The following RAB33A variants were observed in gnomAD, a reference collection of about 807,000 sequenced individuals.
RAB33A encodes RAB33A, member RAS oncogene family, also known as ras-related protein Rab-33A.
A neutral mutation model predicts 12.0 loss-of-function variants in RAB33A; 6 were observed. The observed-to-expected ratio is 0.50, with a 90% CI of 0.27 to 0.99. The LOEUF (loss-of-function observed/expected upper bound fraction) is 0.99. Ranked by LOEUF, RAB33A falls within the 50% of genes least tolerant of loss-of-function variation. RAB33A has a pLI of 0.11. For missense variants in RAB33A, 109 were observed against 192.0 expected (o/e 0.57, Z 2.55); for synonymous variants, 70 against 82.4 (o/e 0.85, Z 0.81).
At chrX:130,176,240 C>G (rs1305096601) in intron 1 of RAB33A, among the ~76,000 whole-genome samples, 1 of 112,089 alleles carries the variant, frequency 8.9e-6, no homozygotes, top group East Asian at 2.8e-4. Flanking sequence ...GAGTCTGTCT[C>G]CTAAATGCAT....
chrX:130,183,430 C>T (rs1295016712), intron 1 of RAB33A, among the ~76,000 whole-genome samples: 1 of 108,738 alleles, frequency 9.2e-6, no homozygotes, highest in Non-Finnish European at 1.9e-5. Context: ...TGGCGGGCAC[C>T]TGTGGTCCCA....
the RAB33A span, among the ~76,000 whole-genome samples, chrX:130,140,899 T>C: frequency 1.8e-5 from 2 of 112,185 alleles, no homozygotes; most frequent in Non-Finnish European, 3.8e-5. Flanking sequence ...GGCAGATCAC[T>C]GAGGCCACGA....
the RAB33A span, chrX:130,155,221 C>A: frequency 1.7e-6 from 2 of 1,211,011 alleles, no homozygotes; most frequent in Non-Finnish European, 2.2e-6. Flanking sequence ...TTGCTGCCAT[C>A]TTTCCCAGAA....
At chrX:130,135,082 CT>C in the RAB33A span, among the ~76,000 whole-genome samples, 1,068 of 100,563 alleles carry the variant, frequency 0.011, 14 homozygotes, top group African/African-American at 0.033. Flanking sequence ...CCACATATTA[CT>C]TTTTTTTTTT....
chrX:130,125,208 C>A, the RAB33A span, among the ~76,000 whole-genome samples: 1 of 111,589 alleles, frequency 9.0e-6, no homozygotes, highest in Non-Finnish European at 1.9e-5. Context: ...TCCAGAGACG[C>A]CAGAGGCTGC....
chrX:130,150,326 C>CTTTT, the RAB33A span, among the ~76,000 whole-genome samples: 9 of 61,648 alleles, frequency 1.5e-4, no homozygotes, highest in African/African-American at 2.6e-4. Context: ...TTATTGGAGA[C>CTTTT]TTTTTTTTTT....
At chrX:130,138,470 AAAAT>A in the RAB33A span, 6 of 568,937 alleles carry the variant, frequency 1.1e-5, no homozygotes, top group Admixed American at 5.4e-5. Context: ...ATCTCAAAAA[AAAAT>A]AAATAAATAA....
chrX:130,179,272 G>A (rs1251444112), intron 1 of RAB33A, among the ~76,000 whole-genome samples: 3 of 111,847 alleles, frequency 2.7e-5, no homozygotes, highest in African/African-American at 3.3e-5. Flanking sequence ...CAATTTGGGC[G>A]GCATACGCAA....
At chrX:130,137,689 C>A in the RAB33A span, 1 of 1,077,386 alleles carries the variant, frequency 9.3e-7, no homozygotes, top group Admixed American at 4.0e-5. Context: ...TTGCCCTTAT[C>A]ATCTTCATAA....
At chrX:130,129,693 A>G in the RAB33A span, 1 of 1,030,748 alleles carries the variant, frequency 9.7e-7, no homozygotes, top group African/African-American at 1.8e-5. Context: ...ATGCCCACAC[A>G]ATGGGGCTAC....
At chrX:130,127,369 G>T in the RAB33A span, among the ~76,000 whole-genome samples, 1 of 111,043 alleles carries the variant, frequency 9.0e-6, no homozygotes, top group Non-Finnish European at 1.9e-5. Context: ...ACACCAGGAG[G>T]TCCTTAAAAG....
Position 130,172,059 on chromosome X carries a change from G to A in RAB33A, c.-4G>A. The A allele has an allele frequency of 8.3e-7, 1 of 1,205,606 alleles. No individual in the cohort carries two copies. Among genetic ancestry groups the A allele is most frequent in the Non-Finnish European group, 1.1e-6 (1 of 892,711 alleles). On this transcript the variant is annotated 5_prime_UTR_variant, in exon 1 of 2. Coordinates refer to ENST00000257017, the MANE Select transcript of RAB33A (RefSeq NM_004794.3). ...GGTTGGGGCCCCGGTTCGGTCCGGG[G>A]GAGATGGCGCAGCCCATCCTGGGCC...
chrX:130,115,663 AAG>A, the RAB33A span, among the ~76,000 whole-genome samples: 10 of 99,479 alleles, frequency 1.0e-4, no homozygotes, highest in Non-Finnish European at 1.2e-4. Flanking sequence ...GAAAGAGAGA[AAG>A]AGAGAGAGAG....
chrX:130,147,930 T>C, the RAB33A span: 8 of 1,201,566 alleles, frequency 6.7e-6, no homozygotes, highest in South Asian at 1.2e-4. Context: ...AGATGATTCT[T>C]TGCCACTGTT....
At chrX:130,135,427 T>TC in the RAB33A span, among the ~76,000 whole-genome samples, 3 of 32,816 alleles carry the variant, frequency 9.1e-5, no homozygotes, top group African/African-American at 1.6e-4. Context: ...ATCCAGTACA[T>TC]CTTTTTTTTT....
the RAB33A span, chrX:130,165,930 TG>T: frequency 7.6e-6 from 3 of 394,722 alleles, no homozygotes; most frequent in East Asian, 1.4e-4. Context: ...ATGCACTAGC[TG>T]GCCGCAAGCT....
At chrX:130,168,295 A>G (rs1405217551), upstream of RAB33A, among the ~76,000 whole-genome samples, 1 of 106,985 alleles carries the variant, frequency 9.3e-6, no homozygotes, top group African/African-American at 3.4e-5. Flanking sequence ...GCTCACTGCA[A>G]CTTCTGCCTC....
chrX:130,184,136 G>A (rs779380101), intron 1 of RAB33A, 149 bp from the exon 2 acceptor site: 41 of 497,196 alleles, frequency 8.2e-5, no homozygotes, highest in Non-Finnish European at 1.2e-4. Context: ...TGATCTGCCC[G>A]CCTCAGCTTC....
the RAB33A span, among the ~76,000 whole-genome samples, chrX:130,112,007 G>T: frequency 0.01 from 1,118 of 111,525 alleles, 9 homozygotes; most frequent in Middle Eastern, 0.042. Flanking sequence ...CCTTCTAAAG[G>T]GCTTGAGGTT....
Sources: allele counts gnomAD v4.1 joint callset (sites outside exome capture counted in the v4.1 genomes callset), GRCh38; gene constraint gnomAD v4.1.1; transcripts MANE v1.5; gene names NCBI Gene and HGNC (gene_info 2026-07-23, HGNC 2026-07-21).